Variants in STOX1 observed in about 807,000 individuals in gnomAD.
STOX1 encodes storkhead box 1, also known as storkhead-box protein 1.
Under a neutral mutation model 74.8 loss-of-function variants are expected in STOX1, and 57 were observed. The observed-to-expected ratio is 0.76, with a 90% CI of 0.62 to 0.95. The LOEUF is 0.95. Ranked by LOEUF, STOX1 falls within the 40% of genes least tolerant of loss-of-function variation. The pLI, the probability that STOX1 is intolerant of heterozygous loss-of-function variation, is 0.00. For synonymous variants in STOX1, 375 were observed against 401.3 expected (o/e 0.93, Z 0.78); for missense variants, 1,010 against 1,117.0 (o/e 0.90, Z 1.37).
chr10:68,828,326 C>G, intron 1 of STOX1: 1 of 1,120,978 alleles, frequency 8.9e-7, no homozygotes, highest in Non-Finnish European at 1.1e-6. Context: ...GCGCGGAGCT[C>G]CGCGCTGCAG....
chr10:68,882,752 C>T (rs941053226), intron 2 of STOX1, among the ~76,000 whole-genome samples: 3 of 152,154 alleles, frequency 2.0e-5, no homozygotes, highest in African/African-American at 7.2e-5. Flanking sequence ...CCGCCTTGGC[C>T]CCCCGAAGTG....
rs758185172 is a variant in STOX1 at position 68,892,589 on chromosome 10, GAC to G, written c.2827_2828del (p.Gln943GlufsTer5). 6.2e-7 allele frequency: 1 copy of G among 1,613,138 alleles called. No individual in the cohort carries two copies. Among genetic ancestry groups the G allele is most frequent in the Non-Finnish European group, 8.5e-7 (1 of 1,179,314 alleles). ...ATTCTGTTATTTTTAATATCTTTAGGACACAGAGTCTGGGATCTAATAATTCA... is the reference window on the plus strand; with the variant it reads ...ATTCTGTTATTTTTAATATCTTTAGGACAGAGTCTGGGATCTAATAATTCA... ...AGDSGIDSPR[T>X]QSLGSNNSVI... On this transcript the variant is annotated frameshift_variant and splice_region_variant, in exon 4 of 4. Transcript: ENST00000298596. LOFTEE classifies it high-confidence loss of function.
intron 1 of STOX1, among the ~76,000 whole-genome samples, chr10:68,838,924 A>G (rs201476149): frequency 1.1e-4 from 17 of 151,288 alleles, no homozygotes; most frequent in South Asian, 4.2e-4. Flanking sequence ...AAAAAAAAAA[A>G]GAAGTGGCAA....
At chr10:68,874,013 C>CCTTTTT in intron 1 of STOX1, among the ~76,000 whole-genome samples, 1 of 25,752 alleles carries the variant, frequency 3.9e-5, no homozygotes, top group Non-Finnish European at 6.1e-5. Context: ...GCTAGGTAGC[C>CCTTTTT]TTTTTTTTTT....
At chr10:68,868,280 T>C (rs1234554266) in intron 1 of STOX1, among the ~76,000 whole-genome samples, 1 of 152,240 alleles carries the variant, frequency 6.6e-6, no homozygotes, top group Non-Finnish European at 1.5e-5. Context: ...TTAATGGCAG[T>C]AAGCCCGAGA....
chr10:68,841,760 G>T (rs1410858084), intron 1 of STOX1, among the ~76,000 whole-genome samples: 2 of 152,130 alleles, frequency 1.3e-5, no homozygotes, highest in South Asian at 4.1e-4. Context: ...AGAGGCAGGG[G>T]AATAATCTGA....
chr10:68,884,906 T>C lies in STOX1; in HGVS notation c.1110T>C (p.Thr370=). The C allele has an allele frequency of 6.2e-7, 1 of 1,614,102 alleles. No homozygotes were observed. The highest frequency in any genetic ancestry group is 8.5e-7 in the Non-Finnish European group (1 of 1,180,018). Residue 370 remains threonine (T), a synonymous_variant, in exon 3 of 4, where the codon ACT becomes ACC. Transcript: ENST00000298596. ...TCAAACGAATTAACCCCATTTTGAC[T>C]GTTGACAATTTAATCAAACACACTG... is the stretch of plus-strand genomic sequence containing the variant. ...EIIKRINPIL[T]VDNLIKHTVL... is the part of the protein sequence containing the mutation.
At chr10:68,865,210 A>G (rs1840372242) in intron 1 of STOX1, among the ~76,000 whole-genome samples, 1 of 152,272 alleles carries the variant, frequency 6.6e-6, no homozygotes, top group Non-Finnish European at 1.5e-5. Flanking sequence ...TGGACTGTTT[A>G]ACATGCCTTG....
chr10:68,830,437 G>A (rs984191302), intron 1 of STOX1, among the ~76,000 whole-genome samples: 3 of 152,090 alleles, frequency 2.0e-5, no homozygotes, highest in Admixed American at 1.3e-4. Flanking sequence ...CCACCTCCTG[G>A]GTTCAAGTGC....
At chr10:68,886,884 C>T (rs1840977572) in intron 3 of STOX1, among the ~76,000 whole-genome samples, 1 of 150,862 alleles carries the variant, frequency 6.6e-6, no homozygotes. Flanking sequence ...CGTGCCACTG[C>T]ACTCCAGCCT....
chr10:68,892,809 G>C lies in STOX1; in HGVS notation c.*73G>C, dbSNP rs41278536. ...ATTACAGAATCTTTCAATCATGTAA[G>C]AATTGAGTATATAAGAATTGTCTAA... On this transcript the variant is annotated 3_prime_UTR_variant, in exon 4 of 4. Coordinates refer to ENST00000298596, the MANE Select transcript of STOX1 (RefSeq NM_152709.5). The C allele has an allele frequency of 6.1e-6, 9 of 1,481,490 alleles. No homozygotes were observed. Among genetic ancestry groups the C allele is most frequent in the Non-Finnish European group, 7.5e-6 (8 of 1,069,422 alleles). 91.8% of individuals were successfully genotyped at this position (1,481,490 alleles called of 1,614,324 possible). A position where few individuals can be genotyped will look rare whatever the true frequency, so the allele number is the denominator to read the frequency against.
At chr10:68,867,106 A>C (rs1001152276) in intron 1 of STOX1, among the ~76,000 whole-genome samples, 1 of 151,614 alleles carries the variant, frequency 6.6e-6, no homozygotes, top group Middle Eastern at 3.2e-3. Flanking sequence ...CACCACGCCC[A>C]GCTATTTTTT....
chr10:68,829,157 C>T (rs902058799), intron 1 of STOX1, among the ~76,000 whole-genome samples: 1 of 152,172 alleles, frequency 6.6e-6, no homozygotes, highest in East Asian at 1.9e-4. Flanking sequence ...CTCTTCCATC[C>T]GAGGAGAAGG....
intron 1 of STOX1, among the ~76,000 whole-genome samples, chr10:68,846,164 T>A (rs199872164): frequency 1.4e-4 from 12 of 84,206 alleles, no homozygotes; most frequent in African/African-American, 4.6e-4. Flanking sequence ...TATTATTATT[T>A]GAGACGGAGT....
At chr10:68,863,555 G>A (rs1000042413) in intron 1 of STOX1, among the ~76,000 whole-genome samples, 1 of 152,104 alleles carries the variant, frequency 6.6e-6, no homozygotes, top group Admixed American at 6.5e-5. Context: ...GGGTTAAATT[G>A]TGAAAGTGTC....
chr10:68,855,494 A>G (rs1840099162), intron 1 of STOX1, among the ~76,000 whole-genome samples: 1 of 151,920 alleles, frequency 6.6e-6, no homozygotes. Flanking sequence ...GCTGGAGTGC[A>G]GTGGCATGAT....
chr10:68,831,244 A>G (rs570698073), intron 1 of STOX1, among the ~76,000 whole-genome samples: 43 of 152,046 alleles, frequency 2.8e-4, no homozygotes, highest in Admixed American at 2.2e-3. Flanking sequence ...CTGGAGTGCA[A>G]TGGCGCAATC....
intron 1 of STOX1, among the ~76,000 whole-genome samples, chr10:68,871,038 A>C (rs527514709): frequency 6.6e-6 from 1 of 152,348 alleles, no homozygotes; most frequent in African/African-American, 2.4e-5. Flanking sequence ...ACACGACTGA[A>C]TAAAGTCATG....
At chr10:68,888,189 C>T (rs530246227) in intron 3 of STOX1, among the ~76,000 whole-genome samples, 6 of 152,234 alleles carry the variant, frequency 3.9e-5, no homozygotes, top group African/African-American at 1.4e-4. Flanking sequence ...CAACCTCCGC[C>T]TCCTGGGTTC....
Sources: gnomAD v4.1 joint callset for allele counts (sites outside exome capture counted in the v4.1 genomes callset) on GRCh38, gnomAD v4.1.1 for gene constraint, MANE v1.5 for transcripts, NCBI Gene and HGNC (gene_info 2026-07-23, HGNC 2026-07-21) for gene names.